The following LRRC4C variants were observed in gnomAD, a reference collection of about 807,000 sequenced individuals.
LRRC4C encodes leucine rich repeat containing 4C, also known as leucine-rich repeat-containing protein 4C.
A neutral mutation model predicts 33.6 loss-of-function variants in LRRC4C; 5 were observed. The ratio of observed to expected loss-of-function variants is 0.15; its 90% CI spans 0.08 to 0.31. LRRC4C has a LOEUF of 0.31. Ranked by LOEUF, LRRC4C falls within the 10% of genes least tolerant of loss-of-function variation. LRRC4C has a pLI of 1.00. For missense variants in LRRC4C, 560 were observed against 796.7 expected, an observed-to-expected ratio of 0.70 and a Z score of 3.58; for synonymous variants, 329 against 302.0, an observed-to-expected ratio of 1.09 and a Z score of -0.93.
chr11:40,573,906 C>T (rs547087377), intron 3 of LRRC4C, among the ~76,000 whole-genome samples: 2 of 152,186 alleles, frequency 1.3e-5, no homozygotes, highest in African/African-American at 4.8e-5. Flanking sequence ...AACCATTCAG[C>T]AAACAGTTGG....
At chr11:40,308,201 A>G (rs945991993) in intron 4 of LRRC4C, among the ~76,000 whole-genome samples, 2 of 151,748 alleles carry the variant, frequency 1.3e-5, no homozygotes, top group Admixed American at 6.6e-5. Flanking sequence ...TTTCTCCCCC[A>G]CCACACATAC....
chr11:41,260,298 T>C (rs1948938348), intron 1 of LRRC4C, among the ~76,000 whole-genome samples: 1 of 152,066 alleles, frequency 6.6e-6, no homozygotes, highest in Non-Finnish European at 1.5e-5. Context: ...GTTAATGGCT[T>C]GGAAAATAGG....
At chr11:40,594,005 C>T (rs2135755679) in intron 3 of LRRC4C, among the ~76,000 whole-genome samples, 1 of 152,274 alleles carries the variant, frequency 6.6e-6, no homozygotes. Flanking sequence ...TGCTTACTAG[C>T]TGAAGCTTTG....
intron 1 of LRRC4C, among the ~76,000 whole-genome samples, chr11:41,275,340 T>A (rs920334220): frequency 6.6e-6 from 1 of 152,204 alleles, no homozygotes; most frequent in African/African-American, 2.4e-5. Context: ...ATTTTTGGTC[T>A]GAATAATGGG....
At chr11:40,497,544 T>C (rs976958940) in intron 3 of LRRC4C, among the ~76,000 whole-genome samples, 6 of 152,030 alleles carry the variant, frequency 3.9e-5, no homozygotes, top group Non-Finnish European at 8.8e-5. Context: ...GACCACATAA[T>C]CTAAAAAAAT....
intron 3 of LRRC4C, among the ~76,000 whole-genome samples, chr11:40,521,565 A>C (rs1441720706): frequency 6.6e-6 from 1 of 152,200 alleles, no homozygotes; most frequent in Non-Finnish European, 1.5e-5. Context: ...TTAGCCTCAG[A>C]AAATGTACAG....
chr11:41,195,763 G>GT (rs1191989407), intron 1 of LRRC4C, among the ~76,000 whole-genome samples: 1 of 151,952 alleles, frequency 6.6e-6, no homozygotes, highest in Non-Finnish European at 1.5e-5. Flanking sequence ...AAAGGAGCAA[G>GT]TTTTTTTTAA....
chr11:40,828,060 A>C (rs1952241167), intron 2 of LRRC4C, among the ~76,000 whole-genome samples: 1 of 151,688 alleles, frequency 6.6e-6, no homozygotes, highest in Non-Finnish European at 1.5e-5. Flanking sequence ...GGTAACTATA[A>C]AACAGTGCCT....
At chr11:40,350,157 A>T (rs1947320107) in intron 3 of LRRC4C, among the ~76,000 whole-genome samples, 1 of 152,104 alleles carries the variant, frequency 6.6e-6, no homozygotes, top group Admixed American at 6.6e-5. Context: ...TACTCAAAAA[A>T]TCTTTGCCCA....
chr11:41,231,698 G>A (rs1012268103), intron 1 of LRRC4C, among the ~76,000 whole-genome samples: 5 of 151,772 alleles, frequency 3.3e-5, no homozygotes, highest in African/African-American at 1.2e-4. Context: ...ACACCAACAT[G>A]GCACGTGTAT....
At chr11:40,832,956 T>C (rs1005449791) in intron 2 of LRRC4C, among the ~76,000 whole-genome samples, 1 of 152,154 alleles carries the variant, frequency 6.6e-6, no homozygotes, top group Admixed American at 6.6e-5. Flanking sequence ...AACACAAGCA[T>C]AAGGAGGTTT....
chr11:41,284,328 G>A (rs1949758599), intron 1 of LRRC4C, among the ~76,000 whole-genome samples: 1 of 152,236 alleles, frequency 6.6e-6, no homozygotes, highest in Non-Finnish European at 1.5e-5. Context: ...ACAAATGTAA[G>A]TAATGAATAT....
chr11:40,710,940 C>T (rs201206847), intron 2 of LRRC4C, among the ~76,000 whole-genome samples: 3 of 152,142 alleles, frequency 2.0e-5, no homozygotes, highest in Non-Finnish European at 2.9e-5. Flanking sequence ...CTTGCTGCCT[C>T]GCAATATGAT....
Position 40,474,597 on chromosome 11 carries a change from C to T in LRRC4C, c.-269-154876G>A, listed in dbSNP as rs1435475321. ...AACTGACAAATGGGATCTAATTAAA[C>T]TAAAGAGCTTCTGCACAACAAAAGA... On this transcript the variant is annotated intron_variant, in intron 3 of 6. Transcript: ENST00000528697. Among the ~76,000 whole-genome samples, 3 of 152,140 alleles carry T rather than the reference C, an allele frequency of 2.0e-5. No homozygotes were observed. In the South Asian group the frequency reaches 6.2e-4, roughly 32 times the overall value.
At chr11:40,127,258 G>A (rs1203403197) in intron 6 of LRRC4C, among the ~76,000 whole-genome samples, 1 of 151,372 alleles carries the variant, frequency 6.6e-6, no homozygotes, top group Non-Finnish European at 1.5e-5. Flanking sequence ...CTGGGCAACA[G>A]AACTAGACTC....
chr11:41,215,907 T>C (rs1221499327), intron 1 of LRRC4C, among the ~76,000 whole-genome samples: 1 of 152,184 alleles, frequency 6.6e-6, no homozygotes, highest in Non-Finnish European at 1.5e-5. Context: ...TAACTCTACA[T>C]TTAACATTTT....
chr11:40,224,826 T>C (rs984146548), intron 5 of LRRC4C, among the ~76,000 whole-genome samples: 1 of 152,196 alleles, frequency 6.6e-6, no homozygotes, highest in Non-Finnish European at 1.5e-5. Context: ...TTTATTTACT[T>C]TAACTGATTT....
chr11:40,272,915 T>C (rs1942814799), intron 4 of LRRC4C, among the ~76,000 whole-genome samples: 1 of 152,084 alleles, frequency 6.6e-6, no homozygotes, highest in African/African-American at 2.4e-5. Flanking sequence ...AACCACATTT[T>C]AAAGCCATGT....
chr11:41,008,497 C>T (rs1187410930), intron 1 of LRRC4C, among the ~76,000 whole-genome samples: 1 of 152,122 alleles, frequency 6.6e-6, no homozygotes, highest in Non-Finnish European at 1.5e-5. Context: ...CATACTGATT[C>T]CATCATGGTC....
Sources: gnomAD v4.1 joint callset for allele counts (sites outside exome capture counted in the v4.1 genomes callset) on GRCh38, gnomAD v4.1.1 for gene constraint, MANE v1.5 for transcripts, NCBI Gene and HGNC (gene_info 2026-07-23, HGNC 2026-07-21) for gene names.